The following BBS1 variants were observed in gnomAD, a reference collection of about 807,000 sequenced individuals.
The protein encoded by BBS1 is Bardet-Biedl syndrome 1.
BBS1 carries 60 observed loss-of-function variants against 73.9 expected under a neutral mutation model. The observed-to-expected ratio is 0.81, with a 90% confidence interval of 0.66 to 1.01. The LOEUF is 1.01. Among genes scored for constraint, BBS1 ranks in the 50% least tolerant of loss-of-function variants. The pLI is 0.00. For synonymous variants in BBS1, 283 were observed against 317.4 expected (o/e 0.89, Z 1.15); for missense variants, 718 against 770.3 (o/e 0.93, Z 0.80).
In BBS1 at chr11:66,531,505, A is replaced by ACCACACCTGCATCCTCCT; in HGVS notation, c.1609-146_1609-129dup. 3.9e-6 allele frequency: 4 copies of ACCACACCTGCATCCTCCT among 1,027,104 alleles called. No homozygotes were observed. In the South Asian group the frequency reaches 5.2e-5, roughly 13 times the overall value. The allele number at this position is 1,027,104 out of a possible 1,614,324, so 63.6% of individuals were successfully genotyped here. On this transcript the variant is annotated intron_variant, in intron 15 of 16. Coordinates refer to ENST00000318312, the MANE Select transcript of BBS1 (RefSeq NM_024649.5). ...GAGGCCCTGGGCCATTCACTTCCCC[A>ACCACACCTGCATCCTCCT]CCACACCTGCATCCTCCTCCACCCA... is the stretch of plus-strand genomic sequence containing the variant.
At chr11:66,512,144 T>C (rs1855968221) in intron 3 of BBS1, among the ~76,000 whole-genome samples, 1 of 151,306 alleles carries the variant, frequency 6.6e-6, no homozygotes, top group South Asian at 2.1e-4. Flanking sequence ...TAGAGAAATA[T>C]ATTGGGATAA....
At chr11:66,519,277 A>G (rs1401214561) in intron 7 of BBS1, among the ~76,000 whole-genome samples, 2 of 152,096 alleles carry the variant, frequency 1.3e-5, no homozygotes, top group Admixed American at 6.6e-5. Flanking sequence ...AGGCTAAGGC[A>G]GGAGAATTGC....
rs532010005 is a variant in BBS1 at position 66,526,433 on chromosome 11, A to C, written c.1181-216A>C. On this transcript the variant is annotated intron_variant, in intron 12 of 16. Transcript: ENST00000318312. Reference sequence around the variant, plus strand: ...CCCAGTGCCTGCCACGATGCCAGGAACATCACAGTACTCCACAAATAACTG... The same window carrying C: ...CCCAGTGCCTGCCACGATGCCAGGACCATCACAGTACTCCACAAATAACTG... Among the ~76,000 whole-genome samples the C allele has an allele frequency of 5.9e-5, 9 of 152,354 alleles. No homozygotes were observed. The South Asian group carries it at 1.9e-3, about 32-fold the overall frequency.
At chr11:66,524,180 T>C (rs575426823) in intron 11 of BBS1, 1 of 407,658 alleles carries the variant, frequency 2.5e-6, no homozygotes, top group South Asian at 2.0e-5. Flanking sequence ...CTCAGGAGGT[T>C]GAGGTAGGAG....
chr11:66,527,146 G>C, intron 13 of BBS1: 1 of 813,600 alleles, frequency 1.2e-6, no homozygotes, highest in Non-Finnish European at 2.0e-6. Context: ...GCAGAGGTGG[G>C]AGGACAGCAT....
chr11:66,528,253 T>C (rs951372992), intron 13 of BBS1, among the ~76,000 whole-genome samples: 1 of 152,194 alleles, frequency 6.6e-6, no homozygotes, highest in African/African-American at 2.4e-5. Context: ...AATAAAGTTG[T>C]AAAACTATCT....
intron 8 of BBS1, 41 bp from the exon 9 acceptor site, chr11:66,521,229 G>A (rs751157702): frequency 2.0e-6 from 3 of 1,501,668 alleles, no homozygotes; most frequent in African/African-American, 2.8e-5. Context: ...GAGGGACGGG[G>A]GCTCCAGAGA....
intron 11 of BBS1, among the ~76,000 whole-genome samples, chr11:66,524,555 A>C (rs1040178453): frequency 1.3e-5 from 2 of 152,196 alleles, no homozygotes; most frequent in African/African-American, 4.8e-5. Context: ...ACTGGGCCTC[A>C]GAACAGTTTG....
Position 66,510,955 on chromosome 11 carries a change from A to G in BBS1, c.48-58A>G, listed in dbSNP as rs113981353. 4,589 of 1,570,016 alleles carry G rather than the reference A, an allele frequency of 2.9e-3. 122 individuals carry two copies. In the African/African-American group the frequency reaches 0.053, roughly 18 times the overall value. On this transcript the variant is annotated intron_variant, in intron 1 of 16. Transcript: ENST00000318312. ...GAGTGACCTGTACCAGCTTCCTCAAAGTTTTTTTTTCCCCTCCCATGGGAC... is the reference window on the plus strand; with the variant it reads ...GAGTGACCTGTACCAGCTTCCTCAAGGTTTTTTTTTCCCCTCCCATGGGAC...
At chr11:66,519,993 C>A (rs1210214937) in intron 8 of BBS1, 2 of 414,322 alleles carry the variant, frequency 4.8e-6, no homozygotes, top group Non-Finnish European at 4.4e-6. Context: ...GTAAATATTT[C>A]TCTTTATAAA....
intron 4 of BBS1, 62 bp from the exon 5 acceptor site, chr11:66,515,478 G>T (rs556896971): frequency 4.1e-5 from 65 of 1,567,556 alleles, no homozygotes; most frequent in Non-Finnish European, 5.3e-5. Flanking sequence ...CTGTCTGGGG[G>T]TGTAGACATT....
chr11:66,521,196 A>G, intron 8 of BBS1, 74 bp from the exon 9 acceptor site: 10 of 1,100,282 alleles, frequency 9.1e-6, no homozygotes, highest in East Asian at 7.1e-5. Context: ...GCACTCACTC[A>G]GAGGAGTTAC....
chr11:66,519,882 A>G (rs1565283807), intron 8 of BBS1, 134 bp downstream of exon 8: 6 of 1,221,580 alleles, frequency 4.9e-6, no homozygotes, highest in East Asian at 5.2e-5. Context: ...TAAAAAAGAT[A>G]TATATCCAAA....
At chr11:66,514,775 A>C in intron 4 of BBS1, 97 bp downstream of exon 4, 1 of 1,447,612 alleles carries the variant, frequency 6.9e-7, no homozygotes, top group Non-Finnish European at 9.6e-7. Flanking sequence ...GGCTGGTGGC[A>C]GGAGGTCAGC....
chr11:66,514,275 C>A, intron 3 of BBS1, 131 bp from the exon 4 acceptor site: 1 of 1,267,152 alleles, frequency 7.9e-7, no homozygotes. Context: ...GGTCAGGCAG[C>A]TTGAAAGCCT....
intron 7 of BBS1, among the ~76,000 whole-genome samples, chr11:66,516,912 C>T (rs949750642): frequency 1.3e-5 from 2 of 151,932 alleles, no homozygotes; most frequent in Non-Finnish European, 2.9e-5. Context: ...TAAAGAAAAA[C>T]ATCTTGGCCG....
At chr11:66,521,492 G>T in intron 9 of BBS1, 116 bp downstream of exon 9, 1 of 824,956 alleles carries the variant, frequency 1.2e-6, no homozygotes, top group Non-Finnish European at 2.0e-6. Context: ...GCAAAGAGCT[G>T]AGAACTTCAT....
chr11:66,531,078 G>T, intron 15 of BBS1, 50 bp downstream of exon 15: 1 of 1,610,502 alleles, frequency 6.2e-7, no homozygotes, highest in Non-Finnish European at 8.5e-7. Context: ...CCAGGGCAGG[G>T]GCCTGATGAG....
rs571170303 is a variant in BBS1, at chr11:66,524,211, C to T, written c.1110+329C>T. 7.5e-4 allele frequency: 280 copies of T among 371,700 alleles called. 4 individuals carry two copies. Among genetic ancestry groups the T allele is most frequent in the South Asian group, 5.6e-3 (264 of 47,468 alleles). 23.0% of individuals were successfully genotyped at this position (371,700 alleles called of 1,614,324 possible). On this transcript the variant is annotated intron_variant, in intron 11 of 16. Transcript: ENST00000318312. ...AGGAGAATCGCTTGAGCCTGGGAGGCGGAGGTTGCAGTGAGCCAAGATCAA... is the reference window on the plus strand; with the variant it reads ...AGGAGAATCGCTTGAGCCTGGGAGGTGGAGGTTGCAGTGAGCCAAGATCAA...
Sources: gnomAD v4.1 joint callset for allele counts (sites outside exome capture counted in the v4.1 genomes callset) on GRCh38, gnomAD v4.1.1 for gene constraint, MANE v1.5 for transcripts, NCBI Gene and HGNC (gene_info 2026-07-23, HGNC 2026-07-21) for gene names.